DNAAF11: variants seen among roughly 807,000 people sequenced by gnomAD.
The protein encoded by DNAAF11 is leucine rich repeat containing 6.
In DNAAF11, 45 loss-of-function variants were observed where a neutral mutation model predicts 60.8. The ratio of observed to expected loss-of-function variants is 0.74; its 90% CI spans 0.58 to 0.95. The LOEUF (loss-of-function observed/expected upper bound fraction) is 0.95. Among genes scored for constraint, DNAAF11 ranks in the 40% least tolerant of loss-of-function variants. The pLI, the probability that DNAAF11 is intolerant of heterozygous loss-of-function variation, is 0.00. For synonymous variants in DNAAF11, 191 were observed against 183.5 expected (o/e 1.04, Z -0.33); for missense variants, 546 against 546.2 (o/e 1.00, Z 0.00).
In DNAAF11 at chr8:132,610,280, A is replaced by G. The variant is rs773129236; in HGVS notation, c.1045-19T>C. ...GAAATGGCTGAAAATAAGTAGAAAG[A>G]AAGTATCATTGAGAGCAAGGACGTT... On this transcript the variant is annotated intron_variant, in intron 9 of 11. Coordinates refer to ENST00000620350, the MANE Select transcript of DNAAF11 (RefSeq NM_012472.6). The G allele has an allele frequency of 1.3e-6, 2 of 1,557,768 alleles. No homozygotes were observed. The highest frequency in any genetic ancestry group is 1.8e-6 in the Non-Finnish European group (2 of 1,128,838).
At chr8:132,631,726 TA>T (rs1820814810) in intron 5 of DNAAF11, among the ~76,000 whole-genome samples, 1 of 152,038 alleles carries the variant, frequency 6.6e-6, no homozygotes. Context: ...ATTTCTTATT[TA>T]AAAAAAGATC....
At chr8:132,597,019 G>A (rs1817081102) in intron 10 of DNAAF11, among the ~76,000 whole-genome samples, 1 of 152,126 alleles carries the variant, frequency 6.6e-6, no homozygotes, top group South Asian at 2.1e-4. Context: ...ACTGGCCAAT[G>A]GGAAAAAGGG....
chr8:132,609,233 T>C (rs752253100), intron 10 of DNAAF11, among the ~76,000 whole-genome samples: 21 of 152,098 alleles, frequency 1.4e-4, no homozygotes, highest in Non-Finnish European at 2.8e-4. Context: ...GGCATAGTAT[T>C]TGTATATAAC....
intron 10 of DNAAF11, among the ~76,000 whole-genome samples, chr8:132,602,744 A>AATATATATATATATAT (rs35316805): frequency 2.8e-5 from 4 of 141,870 alleles, no homozygotes; most frequent in African/African-American, 1.0e-4. Flanking sequence ...CTTAATTTGA[A>AATATATATATATATAT]ATATATATAT....
the DNAAF11 span, among the ~76,000 whole-genome samples, chr8:132,699,581 C>T: frequency 6.6e-6 from 1 of 152,084 alleles, no homozygotes; most frequent in Non-Finnish European, 1.5e-5. Flanking sequence ...TGCTCCCTTT[C>T]CTTCAAATAT....
intron 10 of DNAAF11, among the ~76,000 whole-genome samples, chr8:132,595,117 T>G (rs1816853442): frequency 6.6e-6 from 1 of 151,958 alleles, no homozygotes; most frequent in East Asian, 1.9e-4. Context: ...TACCCAGTCT[T>G]GGGTATTTAT....
In DNAAF11 at chr8:132,632,811, CTCT is replaced by C. The variant is rs1351980623; in HGVS notation, c.579_581del (p.Glu194del). On this transcript the variant is annotated inframe_deletion, in exon 5 of 12. Coordinates refer to ENST00000620350, the MANE Select transcript of DNAAF11 (RefSeq NM_012472.6). ...TACTTCTCTTGTCTTCATTTTTATC[CTCT>C]TCTTGGTGTTTCCTCTGAGCCTCTT... 1.9e-6 allele frequency: 3 copies of C among 1,613,804 alleles called. No individual in the cohort carries two copies. Among genetic ancestry groups the C allele is most frequent in the South Asian group, 1.1e-5 (1 of 91,070 alleles).
intron 7 of DNAAF11, among the ~76,000 whole-genome samples, chr8:132,617,306 C>T (rs1175240618): frequency 2.6e-5 from 4 of 152,060 alleles, no homozygotes; most frequent in Admixed American, 2.6e-4. Flanking sequence ...AAAACAAAAT[C>T]AAAAGGATCT....
rs1825480631 is a variant in DNAAF11, at chr8:132,674,121, G to GAAGAGAAGGAGGAGA, written c.10+1362_10+1363insTCTCCTCCTTCTCTT. 2.6e-3 allele frequency among the ~76,000 whole-genome samples: 259 copies of GAAGAGAAGGAGGAGA among 99,640 alleles called. 12 individuals carry two copies. Among genetic ancestry groups the GAAGAGAAGGAGGAGA allele is most frequent in the African/African-American group, 0.01 (238 of 23,658 alleles). The allele number at this position is 99,640 out of a possible 152,430, so 65.4% of individuals were successfully genotyped here. A position where few individuals can be genotyped will look rare whatever the true frequency, so the allele number is the denominator to read the frequency against. On this transcript the variant is annotated intron_variant, in intron 1 of 11. Transcript: ENST00000620350. ...GCAGGAGGAGGAGGAGCAGGAGGAG[G>GAAGAGAAGGAGGAGA]AGGAGGAGGAGGAGAAGGAGGAGGA...
chr8:132,608,481 G>A (rs1303540576), intron 10 of DNAAF11: 2 of 451,660 alleles, frequency 4.4e-6, no homozygotes, highest in South Asian at 1.6e-5. Context: ...AGGAAAAGGG[G>A]AAAAGAATGC....
Position 132,674,099 on chromosome 8 carries a change from G to GGAGGAGGAA in DNAAF11, c.10+1384_10+1385insTTCCTCCTC, listed in dbSNP as rs1281972369. The stretch of plus-strand genomic sequence containing the variant: ...AGGAGGAGCAGGAGGAGGAGGAGCA[G>GGAGGAGGAA]GAGGAGGAGGAGCAGGAGGAGGAGG... On this transcript the variant is annotated intron_variant, in intron 1 of 11. Transcript: ENST00000620350. Among the ~76,000 whole-genome samples the GGAGGAGGAA allele has an allele frequency of 1.8e-3, 261 of 141,882 alleles. 9 individuals carry two copies. Among genetic ancestry groups the GGAGGAGGAA allele is most frequent in the African/African-American group, 6.8e-3 (239 of 35,068 alleles). 93.1% of individuals were successfully genotyped at this position (141,882 alleles called of 152,430 possible).
chr8:132,586,922 ATGGCACCT>A (rs1331994661), intron 10 of DNAAF11, among the ~76,000 whole-genome samples: 2 of 152,152 alleles, frequency 1.3e-5, no homozygotes, highest in Admixed American at 6.5e-5. Flanking sequence ...CCAAGGAGCA[ATGGCACCT>A]TAGCACCTTT....
intron 10 of DNAAF11, among the ~76,000 whole-genome samples, chr8:132,595,348 GAAAAA>G (rs71306394): frequency 3.5e-5 from 2 of 57,408 alleles, no homozygotes; most frequent in African/African-American, 1.1e-4. Context: ...AGACAGAGGG[GAAAAA>G]AAAAAAAAAA....
chr8:132,630,233 G>A (rs1200954662), intron 5 of DNAAF11, among the ~76,000 whole-genome samples: 1 of 152,274 alleles, frequency 6.6e-6, no homozygotes, highest in East Asian at 1.9e-4. Flanking sequence ...ATCAAGATAT[G>A]CTATAAATCT....
At chr8:132,686,671 G>A in the DNAAF11 span, among the ~76,000 whole-genome samples, 15 of 152,082 alleles carry the variant, frequency 9.9e-5, no homozygotes, top group African/African-American at 3.6e-4. Context: ...TGGTGATAGA[G>A]GGAAGTGGGG....
chr8:132,602,795 C>T lies in DNAAF11; in HGVS notation c.1140+7371G>A, dbSNP rs568128313. 4.7e-5 allele frequency among the ~76,000 whole-genome samples: 7 copies of T among 148,828 alleles called. No individual in the cohort carries two copies. The Admixed American group carries it at 4.7e-4, about 10-fold the overall frequency. On this transcript the variant is annotated intron_variant, in intron 10 of 11. Transcript: ENST00000620350. ...CACACAGCACACATACATACATATG[C>T]GTGTATGTTTGTAATATATATAATT...
chr8:132,641,097 A>T (rs1821807345), intron 3 of DNAAF11, among the ~76,000 whole-genome samples: 1 of 152,190 alleles, frequency 6.6e-6, no homozygotes, highest in South Asian at 2.1e-4. Flanking sequence ...GTCATCTAAT[A>T]AATATAAAAG....
chr8:132,687,766 A>C, the DNAAF11 span: 4 of 447,038 alleles, frequency 8.9e-6, no homozygotes, highest in Middle Eastern at 3.3e-4. Flanking sequence ...GCTTTCAATC[A>C]CTAAATTATG....
At chr8:132,657,786 C>T (rs1308328614) in intron 2 of DNAAF11, among the ~76,000 whole-genome samples, 1 of 152,144 alleles carries the variant, frequency 6.6e-6, no homozygotes, top group Non-Finnish European at 1.5e-5. Context: ...CTTATTTAAT[C>T]CTCATAATAA....
Sources: allele counts gnomAD v4.1 joint callset (sites outside exome capture counted in the v4.1 genomes callset), GRCh38; gene constraint gnomAD v4.1.1; transcripts MANE v1.5; gene names NCBI Gene and HGNC (gene_info 2026-07-23, HGNC 2026-07-21).